PCDHA5: variants seen among roughly 807,000 people sequenced by gnomAD.
The protein encoded by PCDHA5 is protocadherin alpha 5, also known as protocadherin alpha-5.
A neutral mutation model predicts 61.6 loss-of-function variants in PCDHA5; 43 were observed. The observed-to-expected ratio is 0.70, with a 90% confidence interval of 0.55 to 0.90. The LOEUF (loss-of-function observed/expected upper bound fraction) is 0.90. Among genes scored for constraint, PCDHA5 ranks in the 40% least tolerant of loss-of-function variants. The pLI, the probability that PCDHA5 is intolerant of heterozygous loss-of-function variation, is 0.00. For missense variants in PCDHA5, 1,298 were observed against 1,222.7 expected, an observed-to-expected ratio of 1.06 and a Z score of -0.92; for synonymous variants, 627 against 543.9, an observed-to-expected ratio of 1.15 and a Z score of -2.13.
chr5:140,852,890 T>G (rs1315995547), intron 1 of PCDHA5: 3 of 912,634 alleles, frequency 3.3e-6, no homozygotes, highest in East Asian at 2.3e-4. Context: ...AACGTATTTT[T>G]TTTTTTGAGT....
At chr5:140,947,769 A>G (rs2094173274) in intron 1 of PCDHA5, among the ~76,000 whole-genome samples, 1 of 151,626 alleles carries the variant, frequency 6.6e-6, no homozygotes, top group South Asian at 2.1e-4. Context: ...AAAAAATTCT[A>G]TTGTAAATGG....
At chr5:140,830,405 T>C (rs1771047305) in intron 1 of PCDHA5, 3 of 1,614,172 alleles carry the variant, frequency 1.9e-6, no homozygotes, top group Non-Finnish European at 2.5e-6. Context: ...TCTCATGGCC[T>C]TTAGCCCCAG....
In PCDHA5 at chr5:140,842,705, G is replaced by C. The variant is rs2150342552; in HGVS notation, c.2352+18578G>C. 4 of 1,595,328 alleles carry C rather than the reference G, an allele frequency of 2.5e-6. No homozygotes were observed. The African/African-American group carries it at 4.0e-5, about 16-fold the overall frequency. On this transcript the variant is annotated intron_variant, in intron 1 of 3. Coordinates refer to ENST00000529859, the MANE Select transcript of PCDHA5 (RefSeq NM_018908.3). ...GGCGTTCGCGCAGCCCGAGTACACG[G>C]TGTTCGTGAAGGAGAACAACCCGCC... is the stretch of plus-strand genomic sequence containing the variant.
intron 3 of PCDHA5, among the ~76,000 whole-genome samples, chr5:140,985,991 A>G (rs575854221): frequency 2.7e-4 from 41 of 152,022 alleles, no homozygotes; most frequent in African/African-American, 9.2e-4. Context: ...CGCCCACCTC[A>G]GCCTCCCAAA....
chr5:140,903,402 G>T (rs1293264385), intron 1 of PCDHA5, among the ~76,000 whole-genome samples: 6 of 152,192 alleles, frequency 3.9e-5, no homozygotes, highest in Non-Finnish European at 5.9e-5. Context: ...AAACAGTAGT[G>T]CAGTCAGGAA....
intron 1 of PCDHA5, among the ~76,000 whole-genome samples, chr5:140,899,167 T>C (rs1314014582): frequency 3.3e-5 from 5 of 152,124 alleles, no homozygotes; most frequent in Admixed American, 6.5e-5. Context: ...CTTTTCCTAA[T>C]TGAATACCCT....
intron 1 of PCDHA5, chr5:140,966,173 A>C (rs2095976741): frequency 5.4e-6 from 1 of 184,728 alleles, no homozygotes; most frequent in Admixed American, 6.2e-5. Context: ...TTTCCTGGGG[A>C]GCTGATAGCC....
intron 1 of PCDHA5, among the ~76,000 whole-genome samples, chr5:140,895,738 C>A (rs1554186621): frequency 6.6e-6 from 1 of 152,108 alleles, no homozygotes; most frequent in Non-Finnish European, 1.5e-5. Context: ...CAATGGGCTG[C>A]AAAGGGCATG....
intron 1 of PCDHA5, among the ~76,000 whole-genome samples, chr5:140,920,549 G>A (rs957534849): frequency 2.6e-5 from 4 of 152,120 alleles, no homozygotes; most frequent in Non-Finnish European, 5.9e-5. Flanking sequence ...TTTCACCTTC[G>A]AAGTGTGGCC....
chr5:140,994,460 T>C (rs1260062613), intron 3 of PCDHA5, among the ~76,000 whole-genome samples: 1 of 152,124 alleles, frequency 6.6e-6, no homozygotes, highest in African/African-American at 2.4e-5. Context: ...CCCAGCACTT[T>C]GGGAGGCTGA....
chr5:140,942,429 A>C (rs543442477), intron 1 of PCDHA5, among the ~76,000 whole-genome samples: 1 of 152,226 alleles, frequency 6.6e-6, no homozygotes, highest in Admixed American at 6.5e-5. Context: ...AAAGATATCT[A>C]ACAATAAACA....
intron 1 of PCDHA5, among the ~76,000 whole-genome samples, chr5:140,937,848 C>G (rs939450579): frequency 1.4e-5 from 2 of 145,938 alleles, no homozygotes; most frequent in African/African-American, 2.5e-5. Flanking sequence ...GAAGGCGGAA[C>G]TTGGAGTGAG....
chr5:140,965,539 T>C (rs1554227755), intron 1 of PCDHA5, among the ~76,000 whole-genome samples: 1 of 152,034 alleles, frequency 6.6e-6, no homozygotes, highest in East Asian at 1.9e-4. Context: ...GGAATCCAAA[T>C]TCCAGCCTGG....
intron 1 of PCDHA5, chr5:140,857,944 G>T: frequency 6.3e-7 from 1 of 1,597,474 alleles, no homozygotes. Context: ...AGATCAGTAC[G>T]ACGCGCGCTC....
chr5:140,858,159 C>T lies in PCDHA5; in HGVS notation c.2352+34032C>T, dbSNP rs782574934. The T allele has an allele frequency of 3.8e-6, 6 of 1,597,644 alleles. No homozygotes were observed. In the Admixed American group the frequency reaches 5.1e-5, roughly 13 times the overall value. On this transcript the variant is annotated intron_variant, in intron 1 of 3. Coordinates refer to ENST00000529859, the MANE Select transcript of PCDHA5 (RefSeq NM_018908.3). ...GTGTACCTGATCATCGCCATCTGCG[C>T]GGTGTCCAGCTTGCTGGTGCTCACG...
rs145968482 is a variant in PCDHA5, at chr5:140,977,336, C to G, written c.2353-1613C>G. Among the ~76,000 whole-genome samples, 133 of 152,262 alleles carry G rather than the reference C, an allele frequency of 8.7e-4. 2 individuals carry two copies. The highest frequency in any genetic ancestry group is 3.9e-4 in the East Asian group (2 of 5,188). On this transcript the variant is annotated intron_variant, in intron 1 of 3. Coordinates refer to ENST00000529859, the MANE Select transcript of PCDHA5 (RefSeq NM_018908.3). Reference sequence around the variant, plus strand: ...GTGCTCCTGATGGCGAGGGGAGAGACGGTGATGATGACTGATTGATAAAAA... The same window carrying G: ...GTGCTCCTGATGGCGAGGGGAGAGAGGGTGATGATGACTGATTGATAAAAA...
At chr5:140,824,616 T>TC (rs1340347040) in intron 1 of PCDHA5, 1 of 126,878 alleles carries the variant, frequency 7.9e-6, no homozygotes, top group Non-Finnish European at 1.6e-5. Flanking sequence ...TAAAGTTTTT[T>TC]TTTTTTTTTT....
At chr5:140,968,722 T>C (rs1379540261) in intron 1 of PCDHA5, 2 of 1,613,846 alleles carry the variant, frequency 1.2e-6, no homozygotes, top group Admixed American at 1.7e-5. Context: ...GAGATGAGAG[T>C]GGTAGCACTT....
At chr5:140,882,108 A>T in intron 1 of PCDHA5, 4 of 1,370,912 alleles carry the variant, frequency 2.9e-6, no homozygotes, top group Non-Finnish European at 3.9e-6. Context: ...TCCGCGAAGA[A>T]AGCCGCCGTT....
Sources: gnomAD v4.1 joint callset for allele counts (sites outside exome capture counted in the v4.1 genomes callset) on GRCh38, gnomAD v4.1.1 for gene constraint, MANE v1.5 for transcripts, NCBI Gene and HGNC (gene_info 2026-07-23, HGNC 2026-07-21) for gene names.